Variants in MAP1B observed in about 807,000 individuals in gnomAD.
The protein encoded by MAP1B is microtubule associated protein 1B, also known as microtubule-associated protein 1B.
A neutral mutation model predicts 176.1 loss-of-function variants in MAP1B; 12 were observed. That is an observed-to-expected ratio of 0.07 (90% CI 0.04 to 0.11). MAP1B has a LOEUF of 0.11. MAP1B is among the 10% of genes least tolerant of loss of function. MAP1B has a pLI of 1.00. For missense variants in MAP1B, 2,523 were observed against 2,990.5 expected, an observed-to-expected ratio of 0.84 and a Z score of 3.65; for synonymous variants, 1,044 against 1,135.0, an observed-to-expected ratio of 0.92 and a Z score of 1.61.
rs1383300263 is a variant in MAP1B, at chr5:72,115,745, G to T, written c.232G>T (p.Glu78Ter). The T allele has an allele frequency of 6.2e-7, 1 of 1,613,860 alleles. No homozygotes were observed. The highest frequency in any genetic ancestry group is 1.3e-5 in the African/African-American group (1 of 74,880). Residue 78 changes from glutamate to a stop codon, truncating the protein, a stop_gained, in exon 2 of 7, where the codon GAA becomes TAA. Coordinates refer to ENST00000296755, the MANE Select transcript of MAP1B (RefSeq NM_005909.5). LOFTEE classifies it high-confidence loss of function. ...TNLIECNLDQ[E>*]LKLFVSRHSA... The stretch of plus-strand genomic sequence containing the variant: ...CCTGATTGAATGCAACTTGGACCAA[G>T]AACTCAAACTTTTTGTATCTCGACA...
At chr5:72,148,944 C>A (rs1046524397) in intron 2 of MAP1B, among the ~76,000 whole-genome samples, 19 of 152,208 alleles carry the variant, frequency 1.2e-4, no homozygotes, top group Admixed American at 5.9e-4. Flanking sequence ...ATTACTACTC[C>A]CTCTTCAGGA....
At chr5:72,128,780 G>A (rs905910431) in intron 2 of MAP1B, among the ~76,000 whole-genome samples, 2 of 152,174 alleles carry the variant, frequency 1.3e-5, no homozygotes, top group Non-Finnish European at 2.9e-5. Flanking sequence ...AGCTAGGGCT[G>A]TAGGCACATG....
chr5:72,144,067 A>G (rs78938975), intron 2 of MAP1B, among the ~76,000 whole-genome samples: 4,292 of 152,208 alleles, frequency 0.028, 208 homozygotes, highest in African/African-American at 0.099. Flanking sequence ...GTGTGACCTC[A>G]TTTTAACTAA....
At chr5:72,149,429 C>T (rs1746102576) in intron 2 of MAP1B, among the ~76,000 whole-genome samples, 1 of 152,202 alleles carries the variant, frequency 6.6e-6, no homozygotes, top group Non-Finnish European at 1.5e-5. Context: ...CCACAATAGA[C>T]ATTTGTTTCA....
chr5:72,203,719 A>G lies in MAP1B; in HGVS notation c.7169A>G (p.Asn2390Ser). ...VRSSYYVVSG[N>S]DPAAEEPSRA... Reference sequence around the variant, plus strand: ...TCTTCCTACTACGTGGTGAGTGGGAATGACCCTGCTGCTGAGGAGCCCAGC... The same window carrying G: ...TCTTCCTACTACGTGGTGAGTGGGAGTGACCCTGCTGCTGAGGAGCCCAGC... Residue 2390 changes from asparagine (N) to serine (S), a missense_variant, in exon 6 of 7, where the codon AAT becomes AGT. This residue lies in a region of MAP1B where 287 missense variants were observed against 401.5 expected (regional missense o/e 0.71). Coordinates refer to ENST00000296755, the MANE Select transcript of MAP1B (RefSeq NM_005909.5). 1 of 1,613,962 alleles carries G rather than the reference A, an allele frequency of 6.2e-7. No individual in the cohort carries two copies. The highest frequency in any genetic ancestry group is 1.1e-5 in the South Asian group (1 of 91,058).
Position 72,107,735 on chromosome 5 carries a change from C to A in MAP1B, c.184+20C>A. On this transcript the variant is annotated intron_variant, in intron 1 of 6. Coordinates refer to ENST00000296755, the MANE Select transcript of MAP1B (RefSeq NM_005909.5). Reference sequence around the variant, plus strand: ...AGCTCGGTAAGTGGCCCCGCGCCCCCAGAGACGCGCGCTGGGAGACGCGCA... The same window carrying A: ...AGCTCGGTAAGTGGCCCCGCGCCCCAAGAGACGCGCGCTGGGAGACGCGCA... The A allele has an allele frequency of 1.3e-6, 2 of 1,597,020 alleles. No homozygotes were observed. The highest frequency in any genetic ancestry group is 1.7e-6 in the Non-Finnish European group (2 of 1,178,870).
Position 72,200,303 on chromosome 5 carries a change from A to G in MAP1B, c.6948A>G (p.Lys2316=), listed in dbSNP as rs533324539. The change falls in exon 5 of 7, where the codon AAA becomes AAG. Residue 2316 remains lysine, a synonymous_variant. Coordinates refer to ENST00000296755, the MANE Select transcript of MAP1B (RefSeq NM_005909.5). ...TCAAAGCTGCACGTGGGGAAGAGAA[A>G]GACAAGGAGACCAAGAATGCTGCCA... is the stretch of plus-strand genomic sequence containing the variant. ...PEVKAARGEE[K]DKETKNAANA... The G allele has an allele frequency of 1.2e-6, 2 of 1,614,246 alleles. No homozygotes were observed. Among genetic ancestry groups the G allele is most frequent in the African/African-American group, 2.7e-5 (2 of 75,062 alleles).
intron 2 of MAP1B, among the ~76,000 whole-genome samples, chr5:72,169,219 G>A (rs772555853): frequency 1.3e-5 from 2 of 152,158 alleles, no homozygotes; most frequent in Admixed American, 6.5e-5. Context: ...AATCCAATGC[G>A]CGTGTGAGAA....
chr5:72,196,628 T>C lies in MAP1B; in HGVS notation c.3273T>C (p.Pro1091=). The C allele has an allele frequency of 1.2e-6, 2 of 1,614,026 alleles. No homozygotes were observed. The highest frequency in any genetic ancestry group is 2.2e-5 in the South Asian group (2 of 91,074). Residue 1091 remains proline, a synonymous_variant, in exon 5 of 7, where the codon CCT becomes CCC. Transcript: ENST00000296755. The surrounding 1 kb of genome is among the most constrained non-coding windows in gnomAD (Gnocchi z 5.3). Reference sequence around the variant, plus strand: ...CTTCAATTCATGATGAGACTTTACCTGGAGGCTCAGAGAGCGAGGCCACCG... The same window carrying C: ...CTTCAATTCATGATGAGACTTTACCCGGAGGCTCAGAGAGCGAGGCCACCG... ...PASSIHDETL[P]GGSESEATAS...
intron 2 of MAP1B, among the ~76,000 whole-genome samples, chr5:72,130,769 G>A (rs1745716263): frequency 6.6e-6 from 1 of 152,150 alleles, no homozygotes; most frequent in South Asian, 2.1e-4. Context: ...TGGACAAGTT[G>A]CCTAGCATTT....
chr5:72,141,267 T>A (rs1745943282), intron 2 of MAP1B, among the ~76,000 whole-genome samples: 1 of 152,216 alleles, frequency 6.6e-6, no homozygotes, highest in Non-Finnish European at 1.5e-5. Context: ...ACTGGTGCCG[T>A]GACACACATC....
chr5:72,146,664 G>C (rs1298889325), intron 2 of MAP1B, among the ~76,000 whole-genome samples: 1 of 152,108 alleles, frequency 6.6e-6, no homozygotes, highest in Admixed American at 6.5e-5. Flanking sequence ...ATGGAGATGG[G>C]GTTCAGATCC....
chr5:72,139,332 A>G (rs1745898268), intron 2 of MAP1B, among the ~76,000 whole-genome samples: 1 of 152,210 alleles, frequency 6.6e-6, no homozygotes, highest in East Asian at 1.9e-4. Flanking sequence ...GGCTGCTGCA[A>G]CTTGGAAGCC....
At chr5:72,132,794 A>G (rs1205016865) in intron 2 of MAP1B, among the ~76,000 whole-genome samples, 1 of 152,004 alleles carries the variant, frequency 6.6e-6, no homozygotes, top group Non-Finnish European at 1.5e-5. Flanking sequence ...TTAGAGATAT[A>G]TTTTTTCCAC....
At chr5:72,155,756 AT>A (rs1281372460) in intron 2 of MAP1B, among the ~76,000 whole-genome samples, 1 of 131,384 alleles carries the variant, frequency 7.6e-6, no homozygotes, top group Non-Finnish European at 1.6e-5. Flanking sequence ...TGATTGATTG[AT>A]TTTCTTTTCT....
At chr5:72,142,544 T>G (rs1362549764) in intron 2 of MAP1B, among the ~76,000 whole-genome samples, 1 of 152,190 alleles carries the variant, frequency 6.6e-6, no homozygotes, top group East Asian at 1.9e-4. Flanking sequence ...AAATGTAAAG[T>G]TAAACCTTAA....
At chr5:72,115,603 C>T (rs1030025849) in intron 1 of MAP1B, 95 bp from the exon 2 acceptor site, 7 of 771,636 alleles carry the variant, frequency 9.1e-6, no homozygotes, top group African/African-American at 3.4e-5. Context: ...CCCACATCCT[C>T]CCTGAAAGCC....
chr5:72,162,641 T>C (rs1026498546), intron 2 of MAP1B, among the ~76,000 whole-genome samples: 6 of 152,304 alleles, frequency 3.9e-5, no homozygotes, highest in African/African-American at 1.4e-4. Flanking sequence ...TTGCTTAAAT[T>C]CTGTCACCTC....
At chr5:72,108,915 C>T (rs939935156) in intron 1 of MAP1B, among the ~76,000 whole-genome samples, 1 of 152,228 alleles carries the variant, frequency 6.6e-6, no homozygotes, top group Non-Finnish European at 1.5e-5. Context: ...CCCCAGCCCG[C>T]GCTCTATTCT....
Sources: allele counts gnomAD v4.1 joint callset (sites outside exome capture counted in the v4.1 genomes callset), GRCh38; gene constraint gnomAD v4.1.1; regional missense constraint gnomAD v4.1.1; non-coding constraint Gnocchi (gnomAD v3.1); transcripts MANE v1.5; gene names NCBI Gene and HGNC (gene_info 2026-07-23, HGNC 2026-07-21).